Variants in CRHR1 observed in about 807,000 individuals in gnomAD.
CRHR1 encodes corticotropin-releasing hormone receptor 1.
A neutral mutation model predicts 56.0 loss-of-function variants in CRHR1; 28 were observed. That is an observed-to-expected ratio of 0.50 (90% CI 0.37 to 0.69). CRHR1 has a LOEUF of 0.69. CRHR1 is among the 30% of genes least tolerant of loss of function. CRHR1 has a pLI of 0.00. For missense variants in CRHR1, 376 were observed against 548.0 expected (o/e 0.69, Z 3.13); for synonymous variants, 195 against 216.5 (o/e 0.90, Z 0.87).
intron 4 of CRHR1, among the ~76,000 whole-genome samples, chr17:45,822,567 ACT>A (rs570060919): frequency 6.6e-4 from 100 of 151,972 alleles, no homozygotes; most frequent in Non-Finnish European, 1.3e-3. Context: ...GACCGTGGAG[ACT>A]CTCCTTCCCA....
At chr17:45,790,973 C>G (rs2061415185) in intron 1 of CRHR1, among the ~76,000 whole-genome samples, 1 of 152,192 alleles carries the variant, frequency 6.6e-6, no homozygotes, top group South Asian at 2.1e-4. Context: ...GCCCACAGAG[C>G]TGAAAGGCAC....
intron 1 of CRHR1, among the ~76,000 whole-genome samples, chr17:45,785,369 C>T (rs1278305299): frequency 1.3e-5 from 2 of 152,258 alleles, no homozygotes; most frequent in African/African-American, 4.8e-5. Context: ...GGCCGGCAGT[C>T]CGGCCCGCCG....
chr17:45,808,506 A>G (rs1057166454), intron 2 of CRHR1, among the ~76,000 whole-genome samples: 1 of 152,124 alleles, frequency 6.6e-6, no homozygotes, highest in African/African-American at 2.4e-5. Context: ...CACCTTGCCC[A>G]AGTGTAGAGG....
rs890781582 is a variant in CRHR1, at chr17:45,784,836, G to C, written c.33+259G>C. Reference sequence around the variant, plus strand: ...GCGGAGGAGGGGGTCCGCCCACCCGGGTAGCCGGCTCCGCGCCAAGAATCG... The same window carrying C: ...GCGGAGGAGGGGGTCCGCCCACCCGCGTAGCCGGCTCCGCGCCAAGAATCG... On this transcript the variant is annotated intron_variant, in intron 1 of 12. Transcript: ENST00000314537. This position sits in a 1 kb window ranked among gnomAD's most constrained non-coding sequence, Gnocchi z 4.2. Among the ~76,000 whole-genome samples the C allele has an allele frequency of 2.6e-5, 4 of 152,204 alleles. No individual in the cohort carries two copies. Among genetic ancestry groups the C allele is most frequent in the Non-Finnish European group, 4.4e-5 (3 of 68,020 alleles).
intron 10 of CRHR1, 21 bp from the exon 11 acceptor site, chr17:45,833,693 T>TGGGGGGGGGGGCCCCCCCCCC: frequency 6.4e-7 from 1 of 1,571,612 alleles, no homozygotes; most frequent in Non-Finnish European, 8.7e-7. Context: ...ACTCCGAGCC[T>TGGGGGGGGGGGCCCCCCCCCC]CCCCACCCGC....
At chr17:45,809,908 C>T (rs2061789296) in intron 2 of CRHR1, among the ~76,000 whole-genome samples, 1 of 152,250 alleles carries the variant, frequency 6.6e-6, no homozygotes, top group Non-Finnish European at 1.5e-5. Flanking sequence ...AATGACATCA[C>T]AGACAAATAG....
At chr17:45,821,951 G>T (rs2062051051) in intron 4 of CRHR1, among the ~76,000 whole-genome samples, 1 of 152,194 alleles carries the variant, frequency 6.6e-6, no homozygotes, top group African/African-American at 2.4e-5. Context: ...AACTCAGAAG[G>T]TACAAATGGG....
chr17:45,831,065 A>C, intron 8 of CRHR1, 125 bp downstream of exon 8: 7 of 890,348 alleles, frequency 7.9e-6, no homozygotes, highest in Non-Finnish European at 1.1e-5. Context: ...TGCATCTATA[A>C]AGGGAGAGAT....
intron 2 of CRHR1, among the ~76,000 whole-genome samples, chr17:45,814,250 A>G (rs1332604748): frequency 6.6e-6 from 1 of 152,216 alleles, no homozygotes; most frequent in Non-Finnish European, 1.5e-5. Context: ...CTACTGAGGA[A>G]GGTACAATGG....
At chr17:45,811,548 A>T (rs1345172090) in intron 2 of CRHR1, among the ~76,000 whole-genome samples, 2 of 151,812 alleles carry the variant, frequency 1.3e-5, no homozygotes, top group Admixed American at 6.6e-5. Context: ...GGTTGGTTCT[A>T]CTCCCACATC....
rs368605173 is a variant in CRHR1, at chr17:45,816,537, C to T, written c.196C>T (p.Arg66Trp). 1.1e-5 allele frequency: 17 copies of T among 1,614,014 alleles called. No homozygotes were observed. Among genetic ancestry groups the T allele is most frequent in the African/African-American group, 6.7e-5 (5 of 74,918 alleles). The stretch of plus-strand genomic sequence containing the variant: ...CAGCCCTGCGGGGCAGCTAGTGGTT[C>T]GGCCCTGCCCTGCCTTTTTCTATGG... The part of the protein sequence containing the change: ...PRSPAGQLVV[R>W]PCPAFFYGVR... Residue 66 changes from arginine to tryptophan, a missense_variant, in exon 3 of 13, where the codon CGG becomes TGG. Transcript: ENST00000314537.
At chr17:45,800,026 A>C (rs983994894) in intron 1 of CRHR1, 4 of 153,242 alleles carry the variant, frequency 2.6e-5, no homozygotes, top group Non-Finnish European at 4.4e-5. Context: ...TCCTCCAGGA[A>C]GCCTGCCCTC....
intron 1 of CRHR1, among the ~76,000 whole-genome samples, chr17:45,798,528 G>GAAAAA (rs77104565): frequency 1.1e-3 from 122 of 113,622 alleles, no homozygotes; most frequent in African/African-American, 2.8e-3. Context: ...TCCGTCTCGG[G>GAAAAA]AAAAAAAAAA....
chr17:45,811,290 AG>A (rs2061818969), intron 2 of CRHR1, among the ~76,000 whole-genome samples: 1 of 152,252 alleles, frequency 6.6e-6, no homozygotes, highest in African/African-American at 2.4e-5. Flanking sequence ...TCACTAAAGC[AG>A]CCCTCCCAGG....
Position 45,834,801 on chromosome 17 carries a change from G to T in CRHR1, c.*37G>T, listed in dbSNP as rs756169196. ...ATGGAGCAGCCCCCAAAGAGCTGTG[G>T]CTGGGGGGATGACGGCCAGGCTCCC... On this transcript the variant is annotated 3_prime_UTR_variant, in exon 13 of 13. Coordinates refer to ENST00000314537, the MANE Select transcript of CRHR1 (RefSeq NM_004382.5). 1.9e-5 allele frequency: 31 copies of T among 1,612,406 alleles called. No homozygotes were observed. Among genetic ancestry groups the T allele is most frequent in the Non-Finnish European group, 2.6e-5 (31 of 1,179,560 alleles).
intron 1 of CRHR1, among the ~76,000 whole-genome samples, chr17:45,793,766 A>G (rs2061468669): frequency 6.6e-6 from 1 of 152,182 alleles, no homozygotes; most frequent in South Asian, 2.1e-4. Flanking sequence ...TAAAGCTGAC[A>G]GGGCAGGAGA....
At chr17:45,834,589 A>G (rs1281968530) in intron 12 of CRHR1, 35 bp from the exon 13 acceptor site, 4 of 1,580,708 alleles carry the variant, frequency 2.5e-6, no homozygotes, top group Non-Finnish European at 3.4e-6. Flanking sequence ...CCTGAGCCAC[A>G]GGCTCAGATG....
chr17:45,834,059 G>A lies in CRHR1; in HGVS notation c.1107+11G>A, dbSNP rs189705214. On this transcript the variant is annotated intron_variant, in intron 12 of 12. Coordinates refer to ENST00000314537, the MANE Select transcript of CRHR1 (RefSeq NM_004382.5). ...TTCCTCAATAGTGAGGTGAGGACCC[G>A]GGGGCCCTGCAGCGGGGTTCAGGGC... 105 of 1,610,986 alleles carry A rather than the reference G, an allele frequency of 6.5e-5. No individual in the cohort carries two copies. The East Asian group carries it at 1.7e-3, about 26-fold the overall frequency.
chr17:45,817,873 G>A (rs544523034), intron 3 of CRHR1, among the ~76,000 whole-genome samples: 19 of 152,334 alleles, frequency 1.2e-4, no homozygotes, highest in African/African-American at 4.6e-4. Context: ...GTCAGTCCAA[G>A]GGGTGCACAG....
Sources: gnomAD v4.1 joint callset for allele counts (sites outside exome capture counted in the v4.1 genomes callset) on GRCh38, gnomAD v4.1.1 for gene constraint, Gnocchi (gnomAD v3.1) non-coding constraint, MANE v1.5 for transcripts, NCBI Gene and HGNC (gene_info 2026-07-23, HGNC 2026-07-21) for gene names.